Variants in POLB observed in about 807,000 individuals in gnomAD.
POLB encodes 5'-dRP lyase.
POLB carries 37 observed loss-of-function variants against 52.7 expected under a neutral mutation model. The observed-to-expected ratio is 0.70, with a 90% CI of 0.54 to 0.92. POLB has a LOEUF of 0.92. POLB is among the 40% of genes least tolerant of loss of function. POLB has a pLI of 0.00. For synonymous variants in POLB, 138 were observed against 131.3 expected (o/e 1.05, Z -0.35); for missense variants, 313 against 400.8 (o/e 0.78, Z 1.87).
intron 7 of POLB, 97 bp from the exon 8 acceptor site, chr8:42,357,072 C>A: frequency 1.5e-6 from 1 of 680,668 alleles, no homozygotes; most frequent in Non-Finnish European, 2.6e-6. Flanking sequence ...GAATGATCTG[C>A]TGGTATGGCA....
intron 7 of POLB, 121 bp from the exon 8 acceptor site, chr8:42,357,048 G>T (rs1823357183): frequency 6.5e-6 from 4 of 617,136 alleles, no homozygotes; most frequent in African/African-American, 3.7e-5. Context: ...ATTCATTCTA[G>T]CCTTGATTTG....
intron 2 of POLB, among the ~76,000 whole-genome samples, chr8:42,340,650 T>C (rs913445476): frequency 6.6e-6 from 1 of 152,232 alleles, no homozygotes; most frequent in Non-Finnish European, 1.5e-5. Context: ...TTCTTGACTT[T>C]GAAATGCCAC....
At chr8:42,341,849 AT>A in intron 2 of POLB, 1 of 579,796 alleles carries the variant, frequency 1.7e-6, no homozygotes, top group Admixed American at 2.2e-5. Flanking sequence ...AGCAAGGGAC[AT>A]TTTGGGATGG....
chr8:42,349,704 A>G (rs1340708966), intron 4 of POLB, among the ~76,000 whole-genome samples: 1 of 152,180 alleles, frequency 6.6e-6, no homozygotes, highest in East Asian at 1.9e-4. Context: ...TAGAATTTCT[A>G]TGTTTACACT....
At chr8:42,370,259 G>GTTTTTTTTTTTTTTTTTT (rs34271342) in intron 13 of POLB, 2 of 259,970 alleles carry the variant, frequency 7.7e-6, no homozygotes, top group Non-Finnish European at 1.5e-5. Context: ...ATCTAAAAGG[G>GTTTTTTTTTTTTTTTTTT]TTTTTTTTTT....
intron 11 of POLB, among the ~76,000 whole-genome samples, chr8:42,367,304 A>G (rs967128781): frequency 6.6e-6 from 1 of 152,196 alleles, no homozygotes; most frequent in African/African-American, 2.4e-5. Context: ...AAAAAGGAAG[A>G]ACAGGGTCTA....
In POLB at chr8:42,369,885, C is replaced by T. The variant is rs1323328222; in HGVS notation, c.810C>T (p.Leu270=). ...AAGATCAGTATTACTGTGGTGTTCT[C>T]TATTTCACTGGGAGTGATATTTTCA... ...IPKDQYYCGV[L]YFTGSDIFNK... The change falls in exon 13 of 14, where the codon CTC becomes CTT. Residue 270 remains leucine, a synonymous_variant. Coordinates refer to ENST00000265421, the MANE Select transcript of POLB (RefSeq NM_002690.3). 1.2e-6 allele frequency: 2 copies of T among 1,605,684 alleles called. No homozygotes were observed. Among genetic ancestry groups the T allele is most frequent in the African/African-American group, 1.3e-5 (1 of 74,614 alleles).
intron 7 of POLB, 96 bp downstream of exon 7, chr8:42,355,663 A>C (rs540295816): frequency 1.4e-6 from 1 of 705,130 alleles, no homozygotes; most frequent in Admixed American, 2.3e-5. Flanking sequence ...AAACTTAGCT[A>C]AACCACAACC....
At chr8:42,359,284 A>G (rs1823525367) in intron 9 of POLB, among the ~76,000 whole-genome samples, 4 of 152,066 alleles carry the variant, frequency 2.6e-5, no homozygotes, top group Admixed American at 2.6e-4. Context: ...TATATACAAT[A>G]CTATACCTTG....
At chr8:42,367,364 G>A (rs1023813902) in intron 11 of POLB, among the ~76,000 whole-genome samples, 30 of 152,312 alleles carry the variant, frequency 2.0e-4, no homozygotes, top group African/African-American at 6.7e-4. Context: ...GTTGGAGGCA[G>A]CCTCATTGAG....
chr8:42,362,578 CTCTTTT>C, intron 10 of POLB, 28 bp from the exon 11 acceptor site: 3 of 1,261,510 alleles, frequency 2.4e-6, no homozygotes, highest in Middle Eastern at 1.9e-4. Flanking sequence ...AAAGTAATTA[CTCTTTT>C]TCTTATTCCC....
At chr8:42,364,762 A>G (rs1454423737) in intron 11 of POLB, among the ~76,000 whole-genome samples, 5 of 152,214 alleles carry the variant, frequency 3.3e-5, no homozygotes. Flanking sequence ...TCATTCAGAA[A>G]GTAGAGTGGT....
At chr8:42,339,402 G>A in intron 2 of POLB, 1 of 296,756 alleles carries the variant, frequency 3.4e-6, no homozygotes. Flanking sequence ...GTGGTTCAAG[G>A]AATCACATTT....
intron 9 of POLB, chr8:42,360,966 GTATTTTAAAGC>G (rs1823640693): frequency 9.9e-6 from 4 of 402,984 alleles, no homozygotes; most frequent in African/African-American, 6.2e-5. Flanking sequence ...GTTCATAGGT[GTATTTTAAAGC>G]TATTTTAAAA....
intron 3 of POLB, 33 bp downstream of exon 3, chr8:42,345,052 C>A: frequency 6.8e-7 from 1 of 1,467,210 alleles, no homozygotes; most frequent in Non-Finnish European, 9.5e-7. Flanking sequence ...TCGAAGAGTT[C>A]ACACGTGTCC....
At chr8:42,347,774 C>A (rs960208528) in intron 3 of POLB, among the ~76,000 whole-genome samples, 4 of 152,096 alleles carry the variant, frequency 2.6e-5, no homozygotes. Flanking sequence ...TCATTTCTAT[C>A]TGGTAATTGC....
In POLB at chr8:42,361,323, T is replaced by A; in HGVS notation, c.579T>A (p.Val193=). 1 of 1,612,990 alleles carries A rather than the reference T, an allele frequency of 6.2e-7. No individual in the cohort carries two copies. The highest frequency in any genetic ancestry group is 8.5e-7 in the Non-Finnish European group (1 of 1,178,928). Reference sequence around the variant, plus strand: ...CAGAGTCCAGTGGTGACATGGATGTTCTCCTGACCCATCCCAGCTTCACTT... The same window carrying A: ...CAGAGTCCAGTGGTGACATGGATGTACTCCTGACCCATCCCAGCTTCACTT... ...RGAESSGDMD[V]LLTHPSFTSE... Residue 193 remains valine, a synonymous_variant, in exon 10 of 14, where the codon GTT becomes GTA. Transcript: ENST00000265421.
intron 7 of POLB, among the ~76,000 whole-genome samples, chr8:42,356,822 C>T (rs931918799): frequency 5.9e-5 from 9 of 152,118 alleles, no homozygotes; most frequent in African/African-American, 2.2e-4. Context: ...TAACCCCTTG[C>T]CTTGTCAGTA....
chr8:42,338,808 C>CG, intron 1 of POLB, 123 bp downstream of exon 1: 1 of 1,079,578 alleles, frequency 9.3e-7, no homozygotes, highest in Non-Finnish European at 1.4e-6. Flanking sequence ...GGTCGTCTTC[C>CG]GTGGGGATCT....
Sources: allele counts gnomAD v4.1 joint callset (sites outside exome capture counted in the v4.1 genomes callset), GRCh38; gene constraint gnomAD v4.1.1; transcripts MANE v1.5; gene names NCBI Gene and HGNC (gene_info 2026-07-23, HGNC 2026-07-21).